Variants in CSTF3 observed in about 807,000 individuals in gnomAD.
CSTF3 encodes the protein cleavage stimulation factor subunit 3.
CSTF3 carries 29 observed loss-of-function variants against 105.8 expected under a neutral mutation model. The ratio of observed to expected loss-of-function variants is 0.27; its 90% CI spans 0.20 to 0.37. The LOEUF (loss-of-function observed/expected upper bound fraction) is 0.37, where lower values mean the gene tolerates loss of function less well. Among genes scored for constraint, CSTF3 ranks in the 10% least tolerant of loss-of-function variants. CSTF3 has a pLI of 1.00. For missense variants in CSTF3, 357 were observed against 879.3 expected, an observed-to-expected ratio of 0.41 and a Z score of 7.51; for synonymous variants, 252 against 281.9, an observed-to-expected ratio of 0.89 and a Z score of 1.06.
At chr11:33,137,006 A>G (rs1372717249) in intron 3 of CSTF3, among the ~76,000 whole-genome samples, 2 of 151,872 alleles carry the variant, frequency 1.3e-5, no homozygotes, top group African/African-American at 4.8e-5. Flanking sequence ...TAATTTTAGA[A>G]TGTATATGCA....
At chr11:33,160,638 T>A (rs1363624140) in intron 1 of CSTF3, among the ~76,000 whole-genome samples, 1 of 152,254 alleles carries the variant, frequency 6.6e-6, no homozygotes, top group Non-Finnish European at 1.5e-5. Flanking sequence ...TTTTAAAATA[T>A]TTAGTTGTCA....
At chr11:33,114,805 T>C (rs1432614479) in intron 3 of CSTF3, among the ~76,000 whole-genome samples, 2 of 151,870 alleles carry the variant, frequency 1.3e-5, no homozygotes, top group African/African-American at 2.4e-5. Context: ...GAATCGAGAC[T>C]GCACCATTGC....
chr11:33,159,617 A>AAT, intron 1 of CSTF3, among the ~76,000 whole-genome samples: 1 of 150,794 alleles, frequency 6.6e-6, no homozygotes, highest in Non-Finnish European at 1.5e-5. Flanking sequence ...AAAAAAAAAA[A>AAT]AAAAAATTAG....
At chr11:33,087,296 T>C (rs1855116217) in intron 17 of CSTF3, among the ~76,000 whole-genome samples, 155 bp from the exon 18 acceptor site, 1 of 152,182 alleles carries the variant, frequency 6.6e-6, no homozygotes, top group South Asian at 2.1e-4. Context: ...TGGTAAAGAT[T>C]GTTACTCAAC....
intron 3 of CSTF3, among the ~76,000 whole-genome samples, chr11:33,138,240 T>TA (rs1156838131): frequency 1.3e-5 from 2 of 151,744 alleles, no homozygotes; most frequent in East Asian, 1.9e-4. Flanking sequence ...CATGCTTCAG[T>TA]AAAAAAATTC....
intron 3 of CSTF3, among the ~76,000 whole-genome samples, chr11:33,126,759 ATT>A (rs2133790236): frequency 6.6e-6 from 1 of 152,234 alleles, no homozygotes; most frequent in East Asian, 1.9e-4. Context: ...CCCACTGTGG[ATT>A]TTTAATTCAA....
At chr11:33,095,064 A>G (rs897515522) in intron 15 of CSTF3, among the ~76,000 whole-genome samples, 13 of 152,040 alleles carry the variant, frequency 8.6e-5, no homozygotes, top group African/African-American at 3.1e-4. Flanking sequence ...ACGCCCAGCT[A>G]ATTTTTTATA....
At chr11:33,108,549 A>C (rs1234225294) in intron 3 of CSTF3, 131 bp from the exon 4 acceptor site, 2 of 594,774 alleles carry the variant, frequency 3.4e-6, no homozygotes, top group Non-Finnish European at 5.0e-6. Flanking sequence ...GTTACTTTCA[A>C]AAATAACAGA....
chr11:33,122,030 T>C (rs1250533575), intron 3 of CSTF3, among the ~76,000 whole-genome samples: 6 of 152,206 alleles, frequency 3.9e-5, no homozygotes, highest in Non-Finnish European at 7.4e-5. Flanking sequence ...AGAGCAGGCA[T>C]AAAACCACTT....
intron 3 of CSTF3, among the ~76,000 whole-genome samples, chr11:33,129,353 A>G (rs1249004030): frequency 6.6e-6 from 1 of 151,310 alleles, no homozygotes; most frequent in Non-Finnish European, 1.5e-5. Flanking sequence ...CAGCCTCCCA[A>G]AGTGCTGGGA....
At chr11:33,138,823 TTATA>T (rs1855680666) in intron 3 of CSTF3, among the ~76,000 whole-genome samples, 1 of 151,996 alleles carries the variant, frequency 6.6e-6, no homozygotes, top group African/African-American at 2.4e-5. Context: ...CTCCTATGTA[TTATA>T]TATAACACCA....
chr11:33,127,537 G>A (rs557701031), intron 3 of CSTF3, among the ~76,000 whole-genome samples: 3 of 152,020 alleles, frequency 2.0e-5, no homozygotes, highest in South Asian at 2.1e-4. Flanking sequence ...TACCACCTAG[G>A]TAGGCAATTC....
At chr11:33,150,975 T>C (rs1210733197) in intron 1 of CSTF3, among the ~76,000 whole-genome samples, 1 of 152,190 alleles carries the variant, frequency 6.6e-6, no homozygotes, top group Non-Finnish European at 1.5e-5. Context: ...CCATCTGAAG[T>C]GTATAACTCA....
intron 3 of CSTF3, among the ~76,000 whole-genome samples, chr11:33,131,903 G>C (rs531054671): frequency 2.2e-4 from 33 of 147,814 alleles, no homozygotes; most frequent in Non-Finnish European, 2.6e-4. Context: ...ATGGTATTGT[G>C]GTTTTACAGG....
At chr11:33,159,385 C>A (rs1397685059) in intron 1 of CSTF3, among the ~76,000 whole-genome samples, 1 of 151,990 alleles carries the variant, frequency 6.6e-6, no homozygotes, top group Non-Finnish European at 1.5e-5. Context: ...CACTTGAGGT[C>A]AGGAGTTCGA....
intron 1 of CSTF3, among the ~76,000 whole-genome samples, chr11:33,150,929 CT>C (rs1855852214): frequency 6.6e-6 from 1 of 151,638 alleles, no homozygotes; most frequent in Admixed American, 6.6e-5. Context: ...TTTTTTAGTA[CT>C]GGCTTGAGAC....
At chr11:33,119,350 T>G (rs139112885) in intron 3 of CSTF3, among the ~76,000 whole-genome samples, 7 of 151,982 alleles carry the variant, frequency 4.6e-5, no homozygotes, top group Non-Finnish European at 7.4e-5. Flanking sequence ...TTTTTTTCCA[T>G]GTAACTTTCT....
At position 33,141,677 on chromosome 11, in the gene CSTF3, A is replaced by G. The variant is rs1283898276; in HGVS notation, c.215T>C (p.Ile72Thr). 1.2e-6 allele frequency: 2 copies of G among 1,612,358 alleles called. No homozygotes were observed. Among genetic ancestry groups the G allele is most frequent in the Admixed American group, 1.7e-5 (1 of 59,740 alleles). Residue 72 changes from isoleucine to threonine, a missense_variant, in exon 3 of 21, where the codon ATT (isoleucine) becomes ACT (threonine). Physicochemically the swap from Ile to Thr is moderately conservative, Grantham distance 89. Coordinates refer to ENST00000323959, the MANE Select transcript of CSTF3 (RefSeq NM_001326.3). The stretch of plus-strand genomic sequence containing the variant: ...AAATAAAATAGTAACCTCTGCTTCA[A>G]TGTACAGTTTCCAGAATCTGCCAGA... ...PSSGRFWKLY[I>T]EAEIKAKNYD... is the part of the protein sequence containing the mutation.
intron 1 of CSTF3, among the ~76,000 whole-genome samples, chr11:33,156,403 T>C (rs879244732): frequency 2.6e-5 from 4 of 152,212 alleles, no homozygotes; most frequent in African/African-American, 9.6e-5. Flanking sequence ...CCTAACGAAA[T>C]AAACCAGGTT....
Sources: gnomAD v4.1 joint callset for allele counts (sites outside exome capture counted in the v4.1 genomes callset) on GRCh38, gnomAD v4.1.1 for gene constraint, MANE v1.5 for transcripts, NCBI Gene and HGNC (gene_info 2026-07-23, HGNC 2026-07-21) for gene names.